KCNC4: variants seen among roughly 807,000 people sequenced by gnomAD.
The protein encoded by KCNC4 is voltage-gated potassium channel KCNC4.
In KCNC4, 23 loss-of-function variants were observed where a neutral mutation model predicts 42.8. The ratio of observed to expected loss-of-function variants is 0.54; its 90% CI spans 0.39 to 0.76. The LOEUF is 0.76. KCNC4 is among the 30% of genes least tolerant of loss of function. KCNC4 has a pLI of 0.00. For missense variants in KCNC4, 751 were observed against 898.2 expected, an observed-to-expected ratio of 0.84 and a Z score of 2.10; for synonymous variants, 422 against 393.5, an observed-to-expected ratio of 1.07 and a Z score of -0.86.
intron 1 of KCNC4, among the ~76,000 whole-genome samples, chr1:110,268,088 G>A (rs1036656655): frequency 6.6e-6 from 1 of 152,052 alleles, no homozygotes; most frequent in African/African-American, 2.4e-5. Flanking sequence ...CATCACTATT[G>A]TGAAACCTAA....
At chr1:110,246,744 G>A (rs1473226680) in exon 4 of KCNC4, 1 of 142,496 alleles carries the variant, frequency 7.0e-6, no homozygotes, top group Non-Finnish European at 1.5e-5. Flanking sequence ...CCTTTGTGAA[G>A]TCTTTTCTTT....
rs930139647 is a variant in KCNC4 at position 110,210,996 on chromosome 1, G to A, written c.-504G>A. Among the ~76,000 whole-genome samples, 3 of 152,184 alleles carry A rather than the reference G, an allele frequency of 2.0e-5. No homozygotes were observed. In the East Asian group the frequency reaches 5.8e-4, roughly 29 times the overall value. Reference sequence around the variant, plus strand: ...GAGTGTCGGCCTGGCCCCGGCAGCCGCTCGGAGGACTTGTTGCTGCTGCGC... The same window carrying A: ...GAGTGTCGGCCTGGCCCCGGCAGCCACTCGGAGGACTTGTTGCTGCTGCGC... On this transcript the variant is annotated 5_prime_UTR_variant, in exon 1 of 4. Coordinates refer to ENST00000438661, the MANE Select transcript of KCNC4 (RefSeq NM_001039574.3).
exon 4 of KCNC4, chr1:110,243,365 G>A (rs545224372): frequency 7.9e-5 from 12 of 152,336 alleles, no homozygotes; most frequent in Admixed American, 2.6e-4. Flanking sequence ...CTTGCTTCCC[G>A]AAGCAGTGAG....
rs1443806923 is a variant in KCNC4, at chr1:110,211,650, C to A, written c.151C>A (p.Arg51Ser). 1 of 1,613,676 alleles carries A rather than the reference C, an allele frequency of 6.2e-7. No individual in the cohort carries two copies. Among genetic ancestry groups the A allele is most frequent in the Non-Finnish European group, 8.5e-7 (1 of 1,179,910 alleles). Residue 51 changes from arginine (R) to serine (S), a missense_variant, in exon 1 of 4, where the codon CGC (arginine) becomes AGC (serine). Around this residue, in one of 4 missense-constraint regions of KCNC4, gnomAD observed 183 missense variants for 255.8 expected, o/e 0.72. Transcript: ENST00000438661. This position sits in a 1 kb window ranked among gnomAD's most constrained non-coding sequence, Gnocchi z 6.5. Reference sequence around the variant, plus strand: ...GGGCGGCACGCGACATGAGACCTACCGCAGCACCCTGCGCACCCTACCGGG... The same window carrying A: ...GGGCGGCACGCGACATGAGACCTACAGCAGCACCCTGCGCACCCTACCGGG... Reference protein sequence around the residue: ...NVGGTRHETYRSTLRTLPGTR... With the variant: ...NVGGTRHETYSSTLRTLPGTR...
At chr1:110,273,026 A>C (rs1194478598) in intron 1 of KCNC4, among the ~76,000 whole-genome samples, 1 of 152,206 alleles carries the variant, frequency 6.6e-6, no homozygotes, top group Non-Finnish European at 1.5e-5. Flanking sequence ...TCCCCTGACA[A>C]TTGGCCTTGG....
chr1:110,263,729 C>A (rs528989411), intron 1 of KCNC4, among the ~76,000 whole-genome samples: 1 of 152,000 alleles, frequency 6.6e-6, no homozygotes, highest in Non-Finnish European at 1.5e-5. Flanking sequence ...CAGTTCTTCC[C>A]GTGGGAAAGA....
intron 3 of KCNC4, among the ~76,000 whole-genome samples, chr1:110,227,539 T>C (rs1349669694): frequency 6.6e-6 from 1 of 152,232 alleles, no homozygotes; most frequent in Non-Finnish European, 1.5e-5. Context: ...TACCCTCGCC[T>C]GTGTTCCTTT....
intron 3 of KCNC4, 134 bp downstream of exon 3, chr1:110,226,312 C>G (rs1321361337): frequency 1.4e-6 from 1 of 713,626 alleles, no homozygotes; most frequent in South Asian, 1.5e-5. Context: ...TGCACCCCCA[C>G]TTTTAGAATG....
Position 110,213,591 on chromosome 1 carries a change from G to A in KCNC4, c.678+1414G>A, listed in dbSNP as rs895100481. ...GAGGTCTCAGGGGCCATGGCATACCGGGCTGGGGCTGCAGGCAGCCACGAG... is the reference window on the plus strand; with the variant it reads ...GAGGTCTCAGGGGCCATGGCATACCAGGCTGGGGCTGCAGGCAGCCACGAG... On this transcript the variant is annotated intron_variant, in intron 1 of 3. Transcript: ENST00000438661. Among the ~76,000 whole-genome samples the A allele has an allele frequency of 2.0e-5, 3 of 152,230 alleles. No homozygotes were observed. The South Asian group carries it at 6.2e-4, about 31-fold the overall frequency.
downstream of KCNC4, among the ~76,000 whole-genome samples, chr1:110,253,570 G>T (rs1418216897): frequency 6.6e-6 from 1 of 152,176 alleles, no homozygotes; most frequent in African/African-American, 2.4e-5. Context: ...GCTCTGAGGG[G>T]CTAGTGCTGT....
At position 110,211,235 on chromosome 1, in the gene KCNC4, A is replaced by G. The variant is rs1032660742; in HGVS notation, c.-265A>G. 8 of 497,510 alleles carry G rather than the reference A, an allele frequency of 1.6e-5. No homozygotes were observed. Among genetic ancestry groups the G allele is most frequent in the African/African-American group, 5.9e-5 (3 of 51,182 alleles). 30.8% of individuals were successfully genotyped at this position (497,510 alleles called of 1,614,324 possible). ...GGGGACCGCGTGTGTGCTTGCTTCT[A>G]CTTCCCCGGGTCCTCCCTCTCTGCG... On this transcript the variant is annotated 5_prime_UTR_variant, in exon 1 of 4. Coordinates refer to ENST00000438661, the MANE Select transcript of KCNC4 (RefSeq NM_001039574.3). This position sits in a 1 kb window ranked among gnomAD's most constrained non-coding sequence, Gnocchi z 6.5.
chr1:110,231,521 T>G (rs1658691774), intron 3 of KCNC4, among the ~76,000 whole-genome samples: 1 of 151,828 alleles, frequency 6.6e-6, no homozygotes, highest in Non-Finnish European at 1.5e-5. Flanking sequence ...ACTCCTTCTG[T>G]CTCATCCTAG....
At chr1:110,222,784 C>A in intron 1 of KCNC4, 180 bp from the exon 2 acceptor site, 1 of 584,704 alleles carries the variant, frequency 1.7e-6, no homozygotes. Flanking sequence ...CCCGAGAGCC[C>A]CCAAGCATAT....
At chr1:110,282,475 T>C (rs1266206990) in intron 1 of KCNC4, 4 of 152,266 alleles carry the variant, frequency 2.6e-5, no homozygotes, top group Admixed American at 2.6e-4. Flanking sequence ...TTAGGGGTGC[T>C]TGAGTGTCTG....
chr1:110,257,050 T>A (rs1300706546), intron 1 of KCNC4: 1 of 153,550 alleles, frequency 6.5e-6, no homozygotes, highest in Non-Finnish European at 1.5e-5. Context: ...AGTTTTCCCC[T>A]CCATGGAACA....
intron 1 of KCNC4, among the ~76,000 whole-genome samples, chr1:110,215,932 G>A (rs1657770976): frequency 6.6e-6 from 1 of 152,182 alleles, no homozygotes; most frequent in Admixed American, 6.5e-5. Context: ...TCCAGAGGGT[G>A]GCCCCTCACT....
intron 1 of KCNC4, among the ~76,000 whole-genome samples, chr1:110,270,324 T>C (rs1409150379): frequency 6.6e-6 from 1 of 152,210 alleles, no homozygotes; most frequent in Non-Finnish European, 1.5e-5. Context: ...TACCAAGTTA[T>C]GGTCAGCAGA....
At chr1:110,272,937 T>C (rs1364616559) in intron 1 of KCNC4, among the ~76,000 whole-genome samples, 3 of 152,228 alleles carry the variant, frequency 2.0e-5, no homozygotes, top group Non-Finnish European at 4.4e-5. Flanking sequence ...GATTTCCTTG[T>C]ATTATAAAAA....
chr1:110,232,407 G>A, intron 3 of KCNC4: 1 of 1,522,924 alleles, frequency 6.6e-7, no homozygotes, highest in Non-Finnish European at 8.8e-7. Context: ...AGCAGATGGA[G>A]CTACTTGGGG....
Sources: gnomAD v4.1 joint callset for allele counts (sites outside exome capture counted in the v4.1 genomes callset) on GRCh38, gnomAD v4.1.1 for gene constraint, gnomAD v4.1.1 regional missense constraint, Gnocchi (gnomAD v3.1) non-coding constraint, MANE v1.5 for transcripts, NCBI Gene and HGNC (gene_info 2026-07-23, HGNC 2026-07-21) for gene names.